CCSER1: variants seen among roughly 807,000 people sequenced by gnomAD.
CCSER1 encodes the protein serine-rich coiled-coil domain-containing protein 1.
A neutral mutation model predicts 82.0 loss-of-function variants in CCSER1; 41 were observed. The ratio of observed to expected loss-of-function variants is 0.50; its 90% CI spans 0.39 to 0.65. CCSER1 has a LOEUF of 0.65. Among genes scored for constraint, CCSER1 ranks in the 30% least tolerant of loss-of-function variants. CCSER1 has a pLI of 0.00. For missense variants in CCSER1, 1,119 were observed against 1,064.2 expected, an observed-to-expected ratio of 1.05 and a Z score of -0.72; for synonymous variants, 414 against 383.9, an observed-to-expected ratio of 1.08 and a Z score of -0.92.
In CCSER1 at chr4:90,696,948, G is replaced by A. The variant is rs574778587; in HGVS notation, c.1933-26966G>A. Among the ~76,000 whole-genome samples, 3 of 152,256 alleles carry A rather than the reference G, an allele frequency of 2.0e-5. No homozygotes were observed. The South Asian group carries it at 6.2e-4, about 32-fold the overall frequency. On this transcript the variant is annotated intron_variant, in intron 6 of 10. Coordinates refer to ENST00000509176, the MANE Select transcript of CCSER1 (RefSeq NM_001145065.2). ...TTACAGCTGGGAAAAAAATGAATAA[G>A]AATGTGCTAGTTAAGGGCTGCACAG...
At chr4:91,213,111 G>A (rs1283885208) in intron 10 of CCSER1, among the ~76,000 whole-genome samples, 9 of 117,230 alleles carry the variant, frequency 7.7e-5, no homozygotes, top group Non-Finnish European at 1.2e-4. Flanking sequence ...TGGCATATAC[G>A]CACCACTTTT....
chr4:90,875,469 A>T (rs866459436), intron 8 of CCSER1, among the ~76,000 whole-genome samples: 2 of 152,178 alleles, frequency 1.3e-5, no homozygotes, highest in African/African-American at 2.4e-5. Flanking sequence ...TTAGAGAATG[A>T]TGTTGAAGTC....
chr4:90,209,289 C>T (rs1283792149), intron 1 of CCSER1, among the ~76,000 whole-genome samples: 2 of 152,204 alleles, frequency 1.3e-5, no homozygotes, highest in African/African-American at 4.8e-5. Context: ...CTAGTCAAGC[C>T]TTGCACAGAG....
chr4:91,126,740 G>GT (rs1727552062), intron 10 of CCSER1, among the ~76,000 whole-genome samples: 1 of 151,920 alleles, frequency 6.6e-6, no homozygotes, highest in South Asian at 2.1e-4. Context: ...GTCAATTGAG[G>GT]TAAGAGCAAC....
intron 10 of CCSER1, among the ~76,000 whole-genome samples, chr4:91,230,335 A>G (rs991620261): frequency 2.0e-5 from 3 of 152,230 alleles, no homozygotes; most frequent in Admixed American, 1.3e-4. Flanking sequence ...AGGGACGAGG[A>G]AAGTTGGAGG....
rs1561384889 is a variant in CCSER1 at position 90,932,975 on chromosome 4, A to G, written c.2172+9528A>G. Among the ~76,000 whole-genome samples the G allele has an allele frequency of 1.9e-3, 75 of 40,530 alleles. 16 individuals are homozygous for G. Among genetic ancestry groups the G allele is most frequent in the Non-Finnish European group, 2.7e-3 (60 of 22,496 alleles). The allele number at this position is 40,530 out of a possible 152,430, so 26.6% of individuals were successfully genotyped here. ...GAAAGAAAGAAAGAAAGAAAGAAAG[A>G]AAGAAAGAGAAAGAAAGAAAGAAAG... On this transcript the variant is annotated intron_variant, in intron 9 of 10. Coordinates refer to ENST00000509176, the MANE Select transcript of CCSER1 (RefSeq NM_001145065.2).
At chr4:90,487,281 C>T (rs1767259140) in intron 5 of CCSER1, among the ~76,000 whole-genome samples, 2 of 152,190 alleles carry the variant, frequency 1.3e-5, no homozygotes, top group South Asian at 2.1e-4. Context: ...AGAATTCCTG[C>T]TTATTTTCTT....
At chr4:91,440,525 CT>C (rs764834525) in intron 10 of CCSER1, among the ~76,000 whole-genome samples, 51 of 152,244 alleles carry the variant, frequency 3.3e-4, no homozygotes, top group Non-Finnish European at 5.3e-4. Context: ...CAGGAAATAT[CT>C]AAAATCGACA....
At chr4:90,847,829 T>A (rs1763397044) in intron 8 of CCSER1, among the ~76,000 whole-genome samples, 1 of 152,206 alleles carries the variant, frequency 6.6e-6, no homozygotes, top group Admixed American at 6.5e-5. Context: ...TTTGATTTGA[T>A]TGCTGTTTTA....
At chr4:91,074,615 G>C (rs1721766985) in intron 9 of CCSER1, among the ~76,000 whole-genome samples, 1 of 152,112 alleles carries the variant, frequency 6.6e-6, no homozygotes, top group East Asian at 1.9e-4. Flanking sequence ...CTGGATTAGG[G>C]ACCCCGTGGC....
At chr4:90,777,329 C>T (rs1002157641) in intron 7 of CCSER1, among the ~76,000 whole-genome samples, 1 of 134,320 alleles carries the variant, frequency 7.4e-6, no homozygotes, top group African/African-American at 3.0e-5. Flanking sequence ...TGTACTCCAG[C>T]CTGGGCTACA....
chr4:90,914,518 A>C (rs556056457), intron 8 of CCSER1, among the ~76,000 whole-genome samples: 1 of 152,290 alleles, frequency 6.6e-6, no homozygotes, highest in Admixed American at 6.5e-5. Context: ...AATTTATAGC[A>C]CTAAATGCCC....
At chr4:90,306,153 T>C (rs1734235335) in intron 1 of CCSER1, among the ~76,000 whole-genome samples, 8 of 152,080 alleles carry the variant, frequency 5.3e-5, no homozygotes, top group Admixed American at 5.2e-4. Flanking sequence ...GTAGAATGGC[T>C]ACCAGGCCCC....
Position 91,325,063 on chromosome 4 carries a change from G to C in CCSER1, c.2217+239069G>C, listed in dbSNP as rs191533881. 2.7e-5 allele frequency: 11 copies of C among 412,672 alleles called. No individual in the cohort carries two copies. In the East Asian group the frequency reaches 7.9e-4, roughly 30 times the overall value. 25.6% of individuals were successfully genotyped at this position (412,672 alleles called of 1,614,324 possible). ...AAGGCCATCGGACCTGTGGGGCAAG[G>C]GGCTTGGGGCCCTAAATAGCTTGGG... On this transcript the variant is annotated intron_variant, in intron 10 of 10. Coordinates refer to ENST00000509176, the MANE Select transcript of CCSER1 (RefSeq NM_001145065.2).
At chr4:91,191,400 A>T (rs1216219485) in intron 10 of CCSER1, among the ~76,000 whole-genome samples, 1 of 152,188 alleles carries the variant, frequency 6.6e-6, no homozygotes, top group Non-Finnish European at 1.5e-5. Context: ...ATGAATATTG[A>T]ACATGTGTAT....
At chr4:91,471,820 A>C (rs970434265) in intron 10 of CCSER1, among the ~76,000 whole-genome samples, 4 of 152,048 alleles carry the variant, frequency 2.6e-5, no homozygotes, top group Non-Finnish European at 5.9e-5. Flanking sequence ...ATACAAAAAA[A>C]GTAGCCGGGC....
chr4:91,477,463 ATTAT>A (rs1757657713), intron 10 of CCSER1, among the ~76,000 whole-genome samples: 1 of 151,688 alleles, frequency 6.6e-6, no homozygotes. Flanking sequence ...GCTTTGTAAA[ATTAT>A]TTATAGCTCC....
At chr4:90,791,843 A>ACG (rs142872867) in intron 7 of CCSER1, among the ~76,000 whole-genome samples, 30,144 of 151,174 alleles carry the variant, frequency 0.2, 3,392 homozygotes, top group East Asian at 0.26. Context: ...ACACACACAC[A>ACG]CACACGTTTA....
intron 10 of CCSER1, among the ~76,000 whole-genome samples, chr4:91,148,505 T>C (rs1211780358): frequency 6.6e-6 from 1 of 152,092 alleles, no homozygotes; most frequent in Non-Finnish European, 1.5e-5. Context: ...ATTATTATAC[T>C]TTAAGTTCCA....
Sources: allele counts gnomAD v4.1 joint callset (sites outside exome capture counted in the v4.1 genomes callset), GRCh38; gene constraint gnomAD v4.1.1; transcripts MANE v1.5; gene names NCBI Gene and HGNC (gene_info 2026-07-23, HGNC 2026-07-21).